TLE3: variants seen among roughly 807,000 people sequenced by gnomAD.
TLE3 encodes the protein TLE family member 3, transcriptional corepressor, also known as transducin-like enhancer protein 3.
In TLE3, 14 loss-of-function variants were observed where a neutral mutation model predicts 93.0. That is an observed-to-expected ratio of 0.15 (90% CI 0.10 to 0.24). The LOEUF is 0.24. TLE3 is among the 10% of genes least tolerant of loss of function. TLE3 has a pLI of 1.00. For missense variants in TLE3, 693 were observed against 1,046.6 expected, an observed-to-expected ratio of 0.66 and a Z score of 4.66; for synonymous variants, 451 against 425.0, an observed-to-expected ratio of 1.06 and a Z score of -0.75.
chr15:70,054,514 C>G lies in TLE3; in HGVS notation c.1750G>C (p.Asp584His). The change falls in exon 16 of 20, where the codon GAC becomes CAC. Residue 584 changes from aspartate (D) to histidine (H), a missense_variant. By Grantham distance (81) the Asp-to-His change is moderately conservative. This residue lies in a region of TLE3 where 153 missense variants were observed against 379.9 expected (regional missense o/e 0.40). Coordinates refer to ENST00000451782, the MANE Select transcript of TLE3 (RefSeq NM_001105192.3). ...PACYALAISP[D>H]AKVCFSCCSD... ...CAGCAGGAGAAGCAGACTTTGGCGT[C>G]AGGGCTAATGGCCAGGGCATAACAG... is the stretch of plus-strand genomic sequence containing the variant. 6.2e-7 allele frequency: 1 copy of G among 1,614,066 alleles called. No individual in the cohort carries two copies. The highest frequency in any genetic ancestry group is 8.5e-7 in the Non-Finnish European group (1 of 1,179,918).
intron 13 of TLE3, among the ~76,000 whole-genome samples, chr15:70,056,585 C>A (rs1332267001): frequency 1.3e-5 from 2 of 152,174 alleles, no homozygotes; most frequent in Non-Finnish European, 2.9e-5. Flanking sequence ...GCAGACCCCA[C>A]TGTGAACCAG....
chr15:70,079,178 C>A (rs1595963032), intron 4 of TLE3, among the ~76,000 whole-genome samples: 1 of 151,968 alleles, frequency 6.6e-6, no homozygotes, highest in East Asian at 2.0e-4. Context: ...GTAGTTCCTG[C>A]CTCCCAACAC....
rs559321626 is a variant in TLE3 at position 70,060,838 on chromosome 15, G to A, written c.595-189C>T. 4 of 873,320 alleles carry A rather than the reference G, an allele frequency of 4.6e-6. No homozygotes were observed. In the East Asian group the frequency reaches 1.2e-4, roughly 27 times the overall value. 54.1% of individuals were successfully genotyped at this position (873,320 alleles called of 1,614,324 possible). On this transcript the variant is annotated intron_variant, in intron 8 of 19. Coordinates refer to ENST00000451782, the MANE Select transcript of TLE3 (RefSeq NM_001105192.3). ...AAGCCTTCCCCACTCCCCTGAGACT[G>A]AGTCCCCGGGGAGATGCCCTGGGCG...
chr15:70,056,213 G>A, intron 14 of TLE3, 85 bp downstream of exon 14: 1 of 1,415,634 alleles, frequency 7.1e-7, no homozygotes, highest in East Asian at 2.3e-5. Flanking sequence ...TTGGTCAGGG[G>A]ATGAGGGGCG....
chr15:70,062,490 G>A (rs909084224), intron 8 of TLE3, among the ~76,000 whole-genome samples: 9 of 152,202 alleles, frequency 5.9e-5, no homozygotes, highest in Admixed American at 4.6e-4. Context: ...AACCCTCGCC[G>A]CTACCGGAGA....
intron 19 of TLE3, 94 bp from the exon 20 acceptor site, chr15:70,050,298 G>C (rs777621518): frequency 4.9e-5 from 47 of 959,500 alleles, no homozygotes; most frequent in Middle Eastern, 2.3e-4. Flanking sequence ...ACACCATCTC[G>C]GTTCTCTCGG....
intron 6 of TLE3, among the ~76,000 whole-genome samples, chr15:70,068,312 A>G (rs1241903664): frequency 6.6e-6 from 1 of 152,204 alleles, no homozygotes; most frequent in African/African-American, 2.4e-5. Context: ...ATACTGCTAT[A>G]CAGCTTGATT....
chr15:70,061,668 G>A (rs2056482977), intron 8 of TLE3, among the ~76,000 whole-genome samples: 1 of 152,176 alleles, frequency 6.6e-6, no homozygotes, highest in East Asian at 1.9e-4. Context: ...TATGATATTG[G>A]TGAGGTTTAC....
In TLE3 at chr15:70,048,024, GA is replaced by G. The variant is rs1388915883; in HGVS notation, c.*2072del. On this transcript the variant is annotated 3_prime_UTR_variant, in exon 20 of 20. Transcript: ENST00000451782. The stretch of plus-strand genomic sequence containing the variant: ...GCGATGCTGGGTATCTGGAAGGGGA[GA>G]AGGGGGTGGAAGCAGCGCAGGGAAT... 1 of 152,144 alleles carries G rather than the reference GA, an allele frequency of 6.6e-6. No homozygotes were observed. Among genetic ancestry groups the G allele is most frequent in the Non-Finnish European group, 1.5e-5 (1 of 68,094 alleles). The allele number at this position is 152,144 out of a possible 1,614,324, so 9.4% of individuals were successfully genotyped here.
chr15:70,053,332 G>A lies in TLE3; in HGVS notation c.1869C>T (p.Ile623=). The A allele has an allele frequency of 1.9e-6, 3 of 1,609,490 alleles. No homozygotes were observed. Among genetic ancestry groups the A allele is most frequent in the Non-Finnish European group, 2.5e-6 (3 of 1,177,910 alleles). ...TCCACAGTTTGGTGCCATCATGGGA[G>A]ATGTCTATGCAGCTGGCCCCATCTG... ...GHTDGASCID[I]SHDGTKLWTG... Residue 623 remains isoleucine, a synonymous_variant, in exon 17 of 20, where the codon ATC becomes ATT. Coordinates refer to ENST00000451782, the MANE Select transcript of TLE3 (RefSeq NM_001105192.3).
intron 4 of TLE3, among the ~76,000 whole-genome samples, chr15:70,078,688 G>A (rs1036461670): frequency 3.3e-5 from 5 of 152,184 alleles, no homozygotes; most frequent in Non-Finnish European, 5.9e-5. Flanking sequence ...CTTCACCAAC[G>A]GGGTGGGGTG....
chr15:70,069,061 A>T (rs2056986231), intron 6 of TLE3, among the ~76,000 whole-genome samples: 1 of 152,224 alleles, frequency 6.6e-6, no homozygotes, highest in African/African-American at 2.4e-5. Flanking sequence ...CCAGGTGTAC[A>T]CTGTTTCTTT....
rs906002382 is a variant in TLE3, at chr15:70,094,654, G to C, written c.190-78C>G. 4.5e-6 allele frequency: 5 copies of C among 1,115,166 alleles called. No homozygotes were observed. In the African/African-American group the frequency reaches 8.0e-5, roughly 18 times the overall value. 69.1% of individuals were successfully genotyped at this position (1,115,166 alleles called of 1,614,324 possible). On this transcript the variant is annotated intron_variant, in intron 3 of 19. Transcript: ENST00000451782. ...TTCAAAATCAGTTTTTTCTTGGAAA[G>C]GTTTTGGCCAAATCATACTTTTACG...
chr15:70,093,484 A>T (rs940184757), intron 4 of TLE3, among the ~76,000 whole-genome samples: 1 of 152,248 alleles, frequency 6.6e-6, no homozygotes, highest in Admixed American at 6.5e-5. Flanking sequence ...AATCCATTCA[A>T]GTCACGGTCA....
chr15:70,080,544 C>T (rs1445003135), intron 4 of TLE3, among the ~76,000 whole-genome samples: 2 of 152,158 alleles, frequency 1.3e-5, no homozygotes, highest in Non-Finnish European at 2.9e-5. Flanking sequence ...ATCTGCCCTG[C>T]ATCTCTGTCA....
At chr15:70,096,635 G>T (rs1376778695) in intron 1 of TLE3, 140 bp downstream of exon 1, 2 of 1,547,304 alleles carry the variant, frequency 1.3e-6, no homozygotes, top group Non-Finnish European at 1.7e-6. Context: ...CCCCCCGGCC[G>T]CATCCCCCTT....
At chr15:70,057,024 A>G (rs967713287) in intron 13 of TLE3, among the ~76,000 whole-genome samples, 6 of 152,206 alleles carry the variant, frequency 3.9e-5, no homozygotes, top group African/African-American at 1.4e-4. Flanking sequence ...AAGTGCTGGG[A>G]TTACAGGCGT....
chr15:70,059,168 T>G (rs1353239926), intron 10 of TLE3, among the ~76,000 whole-genome samples: 1 of 152,016 alleles, frequency 6.6e-6, no homozygotes, highest in African/African-American at 2.4e-5. Flanking sequence ...CCTGGGATCT[T>G]TGGGGGTGTC....
chr15:70,095,616 C>T lies in TLE3; in HGVS notation c.151G>A (p.Ala51Thr). 6.4e-7 allele frequency: 1 copy of T among 1,551,606 alleles called. No homozygotes were observed. Among genetic ancestry groups the T allele is most frequent in the East Asian group, 2.4e-5 (1 of 40,884 alleles). ...HSLKVEYDKL[A>T]NEKTEMQRHY... Reference sequence around the variant, plus strand: ...CGCTGCATCTCCGTCTTCTCGTTTGCCAGCTTGTCGTACTCCACTTTGAGG... The same window carrying T: ...CGCTGCATCTCCGTCTTCTCGTTTGTCAGCTTGTCGTACTCCACTTTGAGG... Residue 51 changes from alanine to threonine, a missense_variant, in exon 3 of 20, where the codon GCA (alanine) becomes ACA (threonine). By Grantham distance (58) the Ala-to-Thr change is moderately conservative. Around this residue, in one of 4 missense-constraint regions of TLE3, gnomAD observed 104 missense variants for 173.8 expected, o/e 0.60. Transcript: ENST00000451782.
Sources: gnomAD v4.1 joint callset for allele counts (sites outside exome capture counted in the v4.1 genomes callset) on GRCh38, gnomAD v4.1.1 for gene constraint, gnomAD v4.1.1 regional missense constraint, MANE v1.5 for transcripts, NCBI Gene and HGNC (gene_info 2026-07-23, HGNC 2026-07-21) for gene names.